Variants in RBKS observed in about 807,000 individuals in gnomAD.
RBKS encodes ribokinase.
Under a neutral mutation model 33.9 loss-of-function variants are expected in RBKS, and 33 were observed. The ratio of observed to expected loss-of-function variants is 0.97; its 90% CI spans 0.74 to 1.30. The LOEUF (loss-of-function observed/expected upper bound fraction) is 1.30. Among genes scored for constraint, RBKS ranks in the 50% most tolerant of loss-of-function variants. RBKS has a pLI of 0.00. For missense variants in RBKS, 361 were observed against 392.6 expected, an observed-to-expected ratio of 0.92 and a Z score of 0.68; for synonymous variants, 125 against 143.0, an observed-to-expected ratio of 0.87 and a Z score of 0.90.
At chr2:27,790,209 T>C (rs141485279) in intron 7 of RBKS, among the ~76,000 whole-genome samples, 7 of 152,094 alleles carry the variant, frequency 4.6e-5, no homozygotes, top group African/African-American at 1.4e-4. Flanking sequence ...AGTAATTCAA[T>C]GGAGGAAAGG....
chr2:27,847,636 CAACT>C (rs963019812), intron 3 of RBKS, among the ~76,000 whole-genome samples: 5 of 152,252 alleles, frequency 3.3e-5, no homozygotes, highest in Non-Finnish European at 5.9e-5. Flanking sequence ...TAGCTCCAAC[CAACT>C]GTGTGCTCTT....
chr2:27,845,926 T>C (rs1303881848), intron 4 of RBKS, among the ~76,000 whole-genome samples: 1 of 152,164 alleles, frequency 6.6e-6, no homozygotes, highest in Admixed American at 6.5e-5. Flanking sequence ...ATTAAAACAG[T>C]TGGCAGAAAT....
intron 1 of RBKS, among the ~76,000 whole-genome samples, chr2:27,874,980 T>C (rs1363755766): frequency 3.3e-5 from 5 of 152,206 alleles, no homozygotes; most frequent in Non-Finnish European, 5.9e-5. Context: ...CTTTGAACTG[T>C]CTTGTTTAAA....
At chr2:27,785,870 A>G (rs909000912) in intron 7 of RBKS, among the ~76,000 whole-genome samples, 2 of 152,236 alleles carry the variant, frequency 1.3e-5, no homozygotes, top group African/African-American at 2.4e-5. Flanking sequence ...TAATATAGGA[A>G]TATAGGTACA....
At chr2:27,816,605 G>GT (rs1467961279) in intron 7 of RBKS, among the ~76,000 whole-genome samples, 3 of 145,696 alleles carry the variant, frequency 2.1e-5, no homozygotes, top group Non-Finnish European at 4.4e-5. Context: ...AAGGATATGT[G>GT]TTTTTTTGTT....
At chr2:27,784,226 G>A (rs1000560798) in intron 7 of RBKS, among the ~76,000 whole-genome samples, 1 of 151,516 alleles carries the variant, frequency 6.6e-6, no homozygotes, top group Non-Finnish European at 1.5e-5. Context: ...CTCGTGATCC[G>A]CCCGCCTCGG....
At chr2:27,868,630 T>C (rs1664145203) in intron 1 of RBKS, among the ~76,000 whole-genome samples, 1 of 152,214 alleles carries the variant, frequency 6.6e-6, no homozygotes, top group African/African-American at 2.4e-5. Flanking sequence ...ATTTCATCCC[T>C]TTCCACCACT....
rs530948643 is a variant in RBKS, at chr2:27,844,382, T to C, written c.350-1151A>G. ...GTAAAATATCCATTTATTCTTACCATTTTAAAAATTAAAAAAAAATTAAGA... is the reference window on the plus strand; with the variant it reads ...GTAAAATATCCATTTATTCTTACCACTTTAAAAATTAAAAAAAAATTAAGA... On this transcript the variant is annotated intron_variant, in intron 4 of 7. Coordinates refer to ENST00000302188, the MANE Select transcript of RBKS (RefSeq NM_022128.3). 1.1e-4 allele frequency among the ~76,000 whole-genome samples: 16 copies of C among 151,990 alleles called. No individual in the cohort carries two copies. The South Asian group carries it at 3.3e-3, about 32-fold the overall frequency.
intron 7 of RBKS, among the ~76,000 whole-genome samples, chr2:27,820,110 C>T (rs1179533698): frequency 6.6e-6 from 1 of 152,214 alleles, no homozygotes; most frequent in Admixed American, 6.5e-5. Context: ...TATCACCGAT[C>T]TTATTTGCTA....
intron 1 of RBKS, among the ~76,000 whole-genome samples, chr2:27,878,588 TC>T (rs1345927610): frequency 6.6e-6 from 1 of 152,064 alleles, no homozygotes; most frequent in African/African-American, 2.4e-5. Flanking sequence ...TAGTTCTAGA[TC>T]CCTGAGGAAT....
rs1457990772 is a variant in RBKS, at chr2:27,829,873, T to C, written c.607-2118A>G. On this transcript the variant is annotated intron_variant, in intron 6 of 7. Transcript: ENST00000302188. ...CTCCTCAGTTTGGGGGCCTTAAATA[T>C]GCTTCAGGCAGCAGGGGTAGCAGGT... Among the ~76,000 whole-genome samples, 7 of 152,196 alleles carry C rather than the reference T, an allele frequency of 4.6e-5. No individual in the cohort carries two copies. In the East Asian group the frequency reaches 9.6e-4, roughly 21 times the overall value.
Position 27,781,792 on chromosome 2 carries a change from TA to T in RBKS, c.796-5del. ...CCACAAAGCTGTCACCAGCACCCTG[TA>T]ATTGAAAGCACAGTTTTGAAGATAA... On this transcript the variant is annotated splice_polypyrimidine_tract_variant and splice_region_variant and intron_variant, in intron 7 of 7. Coordinates refer to ENST00000302188, the MANE Select transcript of RBKS (RefSeq NM_022128.3). 6.2e-7 allele frequency: 1 copy of T among 1,606,244 alleles called. No individual in the cohort carries two copies. Among genetic ancestry groups the T allele is most frequent in the Non-Finnish European group, 8.5e-7 (1 of 1,176,632 alleles).
intron 1 of RBKS, among the ~76,000 whole-genome samples, chr2:27,874,763 G>A (rs1664279694): frequency 6.6e-6 from 1 of 152,298 alleles, no homozygotes; most frequent in East Asian, 1.9e-4. Flanking sequence ...TTTATGGGGA[G>A]TTTAAAAAAC....
chr2:27,844,417 G>A (rs1663578917), intron 4 of RBKS, among the ~76,000 whole-genome samples: 1 of 151,948 alleles, frequency 6.6e-6, no homozygotes. Context: ...ATAAATTTTG[G>A]GGTCTCACTC....
intron 1 of RBKS, chr2:27,861,676 G>A: frequency 2.3e-6 from 1 of 426,082 alleles, no homozygotes; most frequent in Non-Finnish European, 4.8e-6. Context: ...GGGGGGGGTG[G>A]AGTCTCACTT....
intron 7 of RBKS, among the ~76,000 whole-genome samples, chr2:27,815,380 T>A (rs1678068061): frequency 6.6e-6 from 1 of 152,154 alleles, no homozygotes; most frequent in African/African-American, 2.4e-5. Flanking sequence ...CTAACTTTTT[T>A]TGTCGAAATG....
Position 27,890,323 on chromosome 2 carries a change from T to C in RBKS, c.23A>G (p.Gln8Arg). The change falls in exon 1 of 8, where the codon CAG (glutamine) becomes CGG (arginine). Residue 8 changes from glutamine to arginine, a missense_variant. Gln to Arg is a conservative substitution (Grantham distance 43, BLOSUM62 1). Transcript: ENST00000302188. This position sits in a 1 kb window ranked among gnomAD's most constrained non-coding sequence, Gnocchi z 4.8. Reference sequence around the variant, plus strand: ...CGCCACCTCCTCTTGCCACTGCCTCTGGGGTTCCCCAGACGCCGCCATCGC... The same window carrying C: ...CGCCACCTCCTCTTGCCACTGCCTCCGGGGTTCCCCAGACGCCGCCATCGC... MAASGEPQRQWQEEVAAV... is the reference protein window; with the variant it reads MAASGEPRRQWQEEVAAV... 1 of 1,613,770 alleles carries C rather than the reference T, an allele frequency of 6.2e-7. No individual in the cohort carries two copies. Among genetic ancestry groups the C allele is most frequent in the Non-Finnish European group, 8.5e-7 (1 of 1,180,004 alleles).
intron 7 of RBKS, among the ~76,000 whole-genome samples, chr2:27,821,797 A>C (rs1383490859): frequency 6.6e-6 from 1 of 152,244 alleles, no homozygotes; most frequent in Non-Finnish European, 1.5e-5. Flanking sequence ...TTCTTGGATA[A>C]GAAAAATTGA....
chr2:27,855,727 T>A (rs1232943104), intron 2 of RBKS, among the ~76,000 whole-genome samples: 1 of 152,224 alleles, frequency 6.6e-6, no homozygotes, highest in Non-Finnish European at 1.5e-5. Context: ...TATACATGTA[T>A]CACTGTATAA....
Sources: allele counts gnomAD v4.1 joint callset (sites outside exome capture counted in the v4.1 genomes callset), GRCh38; gene constraint gnomAD v4.1.1; non-coding constraint Gnocchi (gnomAD v3.1); transcripts MANE v1.5; gene names NCBI Gene and HGNC (gene_info 2026-07-23, HGNC 2026-07-21).